Variants in IQCH observed in about 807,000 individuals in gnomAD.
IQCH encodes IQ motif containing H.
Under a neutral mutation model 117.0 loss-of-function variants are expected in IQCH, and 98 were observed. That is an observed-to-expected ratio of 0.84 (90% CI 0.71 to 0.99). The LOEUF is 0.99. Ranked by LOEUF, IQCH falls within the 50% of genes least tolerant of loss-of-function variation. IQCH has a pLI of 0.00. For missense variants in IQCH, 1,102 were observed against 1,243.8 expected (o/e 0.89, Z 1.72); for synonymous variants, 412 against 448.2 (o/e 0.92, Z 1.02).
intron 15 of IQCH, among the ~76,000 whole-genome samples, chr15:67,419,432 A>G (rs2081666326): frequency 6.6e-6 from 1 of 152,086 alleles, no homozygotes; most frequent in African/African-American, 2.4e-5. Flanking sequence ...CCCTCCCTCC[A>G]GCTTCCACCA....
In IQCH at chr15:67,456,942, C is replaced by A. The variant is rs2082671793; in HGVS notation, c.2506-8185C>A. ...GGAAGCTCTAGTTGCTCAAAGATAG[C>A]TTCGTGGAGCTGTGATTTAAGTCAT... On this transcript the variant is annotated intron_variant, in intron 16 of 20. Coordinates refer to ENST00000335894, the MANE Select transcript of IQCH (RefSeq NM_001031715.3). This position sits in a 1 kb window ranked among gnomAD's most constrained non-coding sequence, Gnocchi z 5.1. Among the ~76,000 whole-genome samples the A allele has an allele frequency of 6.6e-6, 1 of 152,130 alleles. No individual in the cohort carries two copies. Among genetic ancestry groups the A allele is most frequent in the African/African-American group, 2.4e-5 (1 of 41,422 alleles).
chr15:67,494,383 C>A lies in IQCH; in HGVS notation c.2970+17C>A. The A allele has an allele frequency of 1.3e-6, 2 of 1,538,500 alleles. No individual in the cohort carries two copies. Among genetic ancestry groups the A allele is most frequent in the Non-Finnish European group, 1.8e-6 (2 of 1,115,842 alleles). On this transcript the variant is annotated intron_variant, in intron 20 of 20. Transcript: ENST00000335894. The surrounding 1 kb of genome is among the most constrained non-coding windows in gnomAD (Gnocchi z 5.5). The stretch of plus-strand genomic sequence containing the variant: ...AATTTTAAGGTGAGGTGTTAATTAA[C>A]TAACGATTCTGGTTAATTTCTATAC...
chr15:67,258,196 C>G (rs921819850), intron 1 of IQCH, among the ~76,000 whole-genome samples: 1 of 147,398 alleles, frequency 6.8e-6, no homozygotes, highest in Non-Finnish European at 1.5e-5. Context: ...TGCACCAGTA[C>G]ACTCCAACAC....
intron 3 of IQCH, among the ~76,000 whole-genome samples, chr15:67,276,689 A>G (rs963830468): frequency 1.3e-5 from 2 of 152,110 alleles, no homozygotes; most frequent in African/African-American, 4.8e-5. Flanking sequence ...AAAAAGTTCA[A>G]TATAATTATT....
intron 3 of IQCH, among the ~76,000 whole-genome samples, chr15:67,265,571 T>C (rs1217628075): frequency 1.3e-5 from 2 of 152,104 alleles, no homozygotes; most frequent in African/African-American, 4.8e-5. Flanking sequence ...ACGAAAAAAC[T>C]GGAGAAAAAT....
At chr15:67,335,375 C>T (rs947149528) in intron 4 of IQCH, among the ~76,000 whole-genome samples, 62 of 152,174 alleles carry the variant, frequency 4.1e-4, no homozygotes, top group Non-Finnish European at 1.0e-4. Flanking sequence ...ACTGCCAAAC[C>T]TATATTTTAC....
At position 67,264,408 on chromosome 15, in the gene IQCH, A is replaced by G. The variant is rs111259022; in HGVS notation, c.269+1192A>G. On this transcript the variant is annotated intron_variant, in intron 3 of 20. Transcript: ENST00000335894. ...GCCTCAGGGTCTCTCACAGGCTGCA[A>G]TATAAGTATTGACTGGGGCAATCTC... Among the ~76,000 whole-genome samples the G allele has an allele frequency of 4.6e-3, 701 of 152,338 alleles. 7 individuals carry two copies. Among genetic ancestry groups the G allele is most frequent in the African/African-American group, 0.016 (680 of 41,564 alleles).
At position 67,411,175 on chromosome 15, in the gene IQCH, C is replaced by T. The variant is rs1375553419; in HGVS notation, c.2098-5756C>T. Among the ~76,000 whole-genome samples, 1 of 152,134 alleles carries T rather than the reference C, an allele frequency of 6.6e-6. No homozygotes were observed. Among genetic ancestry groups the T allele is most frequent in the African/African-American group, 2.4e-5 (1 of 41,438 alleles). ...TCACCCTCAAATTTGGAACCCCTCCCTTCTCTCAATCTGTACCACTAGCTG... is the reference window on the plus strand; with the variant it reads ...TCACCCTCAAATTTGGAACCCCTCCTTTCTCTCAATCTGTACCACTAGCTG... On this transcript the variant is annotated intron_variant, in intron 14 of 20. Transcript: ENST00000335894. The surrounding 1 kb of genome is among the most constrained non-coding windows in gnomAD (Gnocchi z 4.4).
At chr15:67,277,981 T>C (rs1484186145) in intron 3 of IQCH, among the ~76,000 whole-genome samples, 1 of 152,196 alleles carries the variant, frequency 6.6e-6, no homozygotes. Flanking sequence ...TGGTAAAGTG[T>C]GTGTAGAAGG....
At chr15:67,428,649 G>A (rs1282964797) in intron 16 of IQCH, among the ~76,000 whole-genome samples, 1 of 152,080 alleles carries the variant, frequency 6.6e-6, no homozygotes, top group Non-Finnish European at 1.5e-5. Flanking sequence ...AGGAGTTTGA[G>A]ACAAGCCTGA....
intron 4 of IQCH, among the ~76,000 whole-genome samples, chr15:67,319,709 T>A (rs562714550): frequency 2.0e-5 from 3 of 152,346 alleles, no homozygotes; most frequent in Admixed American, 2.0e-4. Flanking sequence ...TGTTACTACT[T>A]TTAATACTCA....
intron 3 of IQCH, among the ~76,000 whole-genome samples, chr15:67,273,802 C>CTTTTT (rs538955097): frequency 7.4e-4 from 112 of 152,190 alleles, no homozygotes; most frequent in African/African-American, 2.5e-3. Context: ...ACATTAGTGA[C>CTTTTT]TTTTTTCTTT....
At chr15:67,464,378 C>T (rs762512971) in intron 16 of IQCH, among the ~76,000 whole-genome samples, 5 of 152,204 alleles carry the variant, frequency 3.3e-5, no homozygotes, top group African/African-American at 4.8e-5. Context: ...ATTTGTCAAA[C>T]GAATTAGTGG....
At chr15:67,319,065 A>G (rs1337246974) in intron 4 of IQCH, among the ~76,000 whole-genome samples, 1 of 152,102 alleles carries the variant, frequency 6.6e-6, no homozygotes, top group African/African-American at 2.4e-5. Context: ...ATCTCTACTA[A>G]AAATACAAAA....
intron 12 of IQCH, among the ~76,000 whole-genome samples, chr15:67,394,141 A>G (rs1971379713): frequency 1.3e-5 from 2 of 152,048 alleles, no homozygotes; most frequent in African/African-American, 4.8e-5. Flanking sequence ...ATCTTGGATT[A>G]TTTTATTCTA....
chr15:67,266,094 CA>C (rs1208945448), intron 3 of IQCH, among the ~76,000 whole-genome samples: 1 of 151,368 alleles, frequency 6.6e-6, no homozygotes, highest in African/African-American at 2.4e-5. Flanking sequence ...AGCCATTGGT[CA>C]AAGGATTTGG....
In IQCH at chr15:67,481,756, T is replaced by C. The variant is rs150113545; in HGVS notation, c.2799+5938T>C. Among the ~76,000 whole-genome samples, 2 of 152,370 alleles carry C rather than the reference T, an allele frequency of 1.3e-5. No homozygotes were observed. Among genetic ancestry groups the C allele is most frequent in the East Asian group, 3.9e-4 (2 of 5,194 alleles). ...GTATCTAGAAAAGAACTCCATGTTG[T>C]AGCTATTGCTACTTGTAGCTGATTG... On this transcript the variant is annotated intron_variant, in intron 18 of 20. Coordinates refer to ENST00000335894, the MANE Select transcript of IQCH (RefSeq NM_001031715.3). The surrounding 1 kb of genome is among the most constrained non-coding windows in gnomAD (Gnocchi z 4.1).
rs777005677 is a variant in IQCH, at chr15:67,381,574, A to G, written c.1373-3362A>G. Among the ~76,000 whole-genome samples the G allele has an allele frequency of 1.3e-5, 2 of 152,154 alleles. No homozygotes were observed. The highest frequency in any genetic ancestry group is 2.9e-5 in the Non-Finnish European group (2 of 68,032). On this transcript the variant is annotated intron_variant, in intron 10 of 20. Transcript: ENST00000335894. The surrounding 1 kb of genome is among the most constrained non-coding windows in gnomAD (Gnocchi z 5.1). ...TAATGAGGACCTGGAAAAAGCTACAAATCCCACTTACCATTCTTTGAATTC... is the reference window on the plus strand; with the variant it reads ...TAATGAGGACCTGGAAAAAGCTACAGATCCCACTTACCATTCTTTGAATTC...
chr15:67,262,060 G>A (rs1965484668), intron 2 of IQCH, among the ~76,000 whole-genome samples: 1 of 151,586 alleles, frequency 6.6e-6, no homozygotes, highest in East Asian at 1.9e-4. Context: ...CTGCATTTCA[G>A]CCTGGGCTAC....
Sources: allele counts gnomAD v4.1 joint callset (sites outside exome capture counted in the v4.1 genomes callset), GRCh38; gene constraint gnomAD v4.1.1; non-coding constraint Gnocchi (gnomAD v3.1); transcripts MANE v1.5; gene names NCBI Gene and HGNC (gene_info 2026-07-23, HGNC 2026-07-21).